PTPRO: variants seen among roughly 807,000 people sequenced by gnomAD.
PTPRO encodes the protein protein tyrosine phosphatase receptor type O, also known as receptor-type tyrosine-protein phosphatase O.
Under a neutral mutation model 145.2 loss-of-function variants are expected in PTPRO, and 62 were observed. The ratio of observed to expected loss-of-function variants is 0.43; its 90% CI spans 0.35 to 0.53. The LOEUF is 0.53. Ranked by LOEUF, PTPRO falls within the 20% of genes least tolerant of loss-of-function variation. The probability of loss-of-function intolerance (pLI) is 0.01; values close to 1 mark genes in which losing one functional copy is unlikely to be tolerated. For missense variants in PTPRO, 1,345 were observed against 1,482.7 expected, an observed-to-expected ratio of 0.91 and a Z score of 1.53; for synonymous variants, 565 against 514.7, an observed-to-expected ratio of 1.10 and a Z score of -1.32.
chr12:15,568,517 G>C (rs1317143604), intron 18 of PTPRO, among the ~76,000 whole-genome samples: 1 of 152,136 alleles, frequency 6.6e-6, no homozygotes, highest in Non-Finnish European at 1.5e-5. Flanking sequence ...ACCAAGGGAA[G>C]GGTCAACTAT....
chr12:15,380,311 C>T (rs181587654), intron 1 of PTPRO, among the ~76,000 whole-genome samples: 2 of 151,914 alleles, frequency 1.3e-5, no homozygotes, highest in African/African-American at 4.8e-5. Flanking sequence ...TCTTAAATTA[C>T]GAATAGGGAA....
At chr12:15,324,536 G>T (rs1465670758) in intron 1 of PTPRO, among the ~76,000 whole-genome samples, 1 of 152,180 alleles carries the variant, frequency 6.6e-6, no homozygotes, top group Non-Finnish European at 1.5e-5. Context: ...CCTGAACATT[G>T]CAGGTAAATG....
intron 7 of PTPRO, among the ~76,000 whole-genome samples, chr12:15,513,228 A>AG (rs1246826701): frequency 3.8e-5 from 5 of 132,858 alleles, no homozygotes; most frequent in Non-Finnish European, 6.5e-5. Context: ...AAAGAAAGAA[A>AG]AGAAAGAAAG....
At chr12:15,335,554 A>G (rs1172656967) in intron 1 of PTPRO, among the ~76,000 whole-genome samples, 1 of 152,126 alleles carries the variant, frequency 6.6e-6, no homozygotes, top group Non-Finnish European at 1.5e-5. Context: ...TATAGGCCTT[A>G]TTCAAAGTGG....
chr12:15,495,031 A>C (rs2136458112), intron 2 of PTPRO, among the ~76,000 whole-genome samples: 2 of 152,132 alleles, frequency 1.3e-5, no homozygotes, highest in South Asian at 4.1e-4. Flanking sequence ...GGAGTTTTGA[A>C]CTCAAAACAG....
intron 1 of PTPRO, among the ~76,000 whole-genome samples, chr12:15,412,825 A>T (rs1291139810): frequency 6.6e-6 from 1 of 152,042 alleles, no homozygotes; most frequent in Non-Finnish European, 1.5e-5. Context: ...ATGGACTCTC[A>T]CTCTGTCTCC....
At chr12:15,380,551 C>T (rs1035445783) in intron 1 of PTPRO, among the ~76,000 whole-genome samples, 1 of 152,038 alleles carries the variant, frequency 6.6e-6, no homozygotes, top group Non-Finnish European at 1.5e-5. Flanking sequence ...TTGGATCATT[C>T]TAATTAAAAT....
intron 1 of PTPRO, among the ~76,000 whole-genome samples, chr12:15,438,944 GA>G (rs1289242668): frequency 6.6e-6 from 1 of 152,064 alleles, no homozygotes; most frequent in Non-Finnish European, 1.5e-5. Context: ...CAACGCTAAA[GA>G]AAAAATCTTA....
intron 12 of PTPRO, among the ~76,000 whole-genome samples, chr12:15,527,156 C>A (rs1942857060): frequency 6.6e-6 from 1 of 152,162 alleles, no homozygotes; most frequent in African/African-American, 2.4e-5. Context: ...TCACCAGCAA[C>A]AACCCAGAAC....
chr12:15,578,687 C>A (rs1944240147), intron 19 of PTPRO, among the ~76,000 whole-genome samples, 166 bp from the exon 20 acceptor site: 1 of 152,182 alleles, frequency 6.6e-6, no homozygotes, highest in Non-Finnish European at 1.5e-5. Context: ...TATCTAAGAT[C>A]ATTGGCCAAA....
chr12:15,351,156 C>G (rs943022789), intron 1 of PTPRO, among the ~76,000 whole-genome samples: 1 of 152,000 alleles, frequency 6.6e-6, no homozygotes, highest in African/African-American at 2.4e-5. Context: ...TGCTGCCGTT[C>G]CCAGGATGCC....
rs1456266076 is a variant in PTPRO, at chr12:15,503,889, T to C, written c.1106-19T>C. On this transcript the variant is annotated intron_variant, in intron 5 of 26. Transcript: ENST00000281171. Reference sequence around the variant, plus strand: ...CAGGTGTCTATTCATGTATCTTCTCTTTTTTATATATGATTTAGAGAACTT... The same window carrying C: ...CAGGTGTCTATTCATGTATCTTCTCCTTTTTATATATGATTTAGAGAACTT... The C allele has an allele frequency of 2.6e-6, 4 of 1,547,768 alleles. No individual in the cohort carries two copies. Among genetic ancestry groups the C allele is most frequent in the Admixed American group, 1.7e-5 (1 of 59,718 alleles).
At chr12:15,513,906 C>T (rs1217575665) in intron 7 of PTPRO, among the ~76,000 whole-genome samples, 3 of 151,864 alleles carry the variant, frequency 2.0e-5, no homozygotes, top group East Asian at 3.9e-4. Context: ...ATAAATAAAC[C>T]CCCATGCTAA....
intron 2 of PTPRO, among the ~76,000 whole-genome samples, chr12:15,492,675 T>G (rs1001115530): frequency 1.3e-4 from 20 of 152,188 alleles, no homozygotes; most frequent in African/African-American, 4.3e-4. Context: ...TTAATTTGAT[T>G]GATTAAATTT....
At chr12:15,583,463 GAGC>G (rs916696724) in intron 23 of PTPRO, among the ~76,000 whole-genome samples, 2 of 149,778 alleles carry the variant, frequency 1.3e-5, no homozygotes, top group African/African-American at 4.9e-5. Flanking sequence ...TGGGCAACAA[GAGC>G]AAGACTCTAT....
chr12:15,539,433 G>A (rs1943133191), intron 12 of PTPRO, among the ~76,000 whole-genome samples: 1 of 152,072 alleles, frequency 6.6e-6, no homozygotes, highest in South Asian at 2.1e-4. Flanking sequence ...ATTCACAGAA[G>A]AAGATATTAT....
At chr12:15,515,859 A>C (rs191578625) in intron 8 of PTPRO, among the ~76,000 whole-genome samples, 6 of 152,158 alleles carry the variant, frequency 3.9e-5, no homozygotes, top group Middle Eastern at 3.4e-3. Context: ...ATGATTATAC[A>C]ACAAGAGTAA....
At chr12:15,407,832 G>A (rs554630137) in intron 1 of PTPRO, among the ~76,000 whole-genome samples, 7 of 152,264 alleles carry the variant, frequency 4.6e-5, no homozygotes, top group African/African-American at 1.4e-4. Context: ...GACTTGAAAC[G>A]AATTGTTTAT....
chr12:15,393,449 T>A (rs1939246400), intron 1 of PTPRO, among the ~76,000 whole-genome samples: 1 of 152,180 alleles, frequency 6.6e-6, no homozygotes, highest in Admixed American at 6.5e-5. Flanking sequence ...CTCTTCCTGC[T>A]CAACTTTATG....
Sources: allele counts gnomAD v4.1 joint callset (sites outside exome capture counted in the v4.1 genomes callset), GRCh38; gene constraint gnomAD v4.1.1; transcripts MANE v1.5; gene names NCBI Gene and HGNC (gene_info 2026-07-23, HGNC 2026-07-21).